The following COPS7B variants were observed in gnomAD, a reference collection of about 807,000 sequenced individuals.
The protein encoded by COPS7B is COP9 signalosome subunit 7B, also known as COP9 signalosome complex subunit 7b.
Under a neutral mutation model 33.4 loss-of-function variants are expected in COPS7B, and 9 were observed. The ratio of observed to expected loss-of-function variants is 0.27; its 90% CI spans 0.16 to 0.47. The LOEUF (loss-of-function observed/expected upper bound fraction) is 0.47. Ranked by LOEUF, COPS7B falls within the 20% of genes least tolerant of loss-of-function variation. COPS7B has a pLI of 0.99. For missense variants in COPS7B, 242 were observed against 318.2 expected, an observed-to-expected ratio of 0.76 and a Z score of 1.82; for synonymous variants, 119 against 126.3, an observed-to-expected ratio of 0.94 and a Z score of 0.39.
chr2:231,807,450 A>T (rs2049926178), intron 6 of COPS7B, 37 bp from the exon 7 acceptor site: 20 of 1,577,862 alleles, frequency 1.3e-5, no homozygotes, highest in Non-Finnish European at 1.7e-5. Context: ...GTGAGCACAT[A>T]CAGGCTGAGC....
Position 231,807,667 on chromosome 2 carries a change from C to G in COPS7B, c.*22C>G, listed in dbSNP as rs951280264. 1.3e-6 allele frequency: 2 copies of G among 1,540,432 alleles called. No homozygotes were observed. Among genetic ancestry groups the G allele is most frequent in the African/African-American group, 2.8e-5 (2 of 72,288 alleles). On this transcript the variant is annotated 3_prime_UTR_variant, in exon 7 of 7. Transcript: ENST00000350033. ...CTAGGGCCGGCTGGGGCAGCTGGCA[C>G]TCACCAGGCCTGGGTCAGGTGGGGA...
chr2:231,803,196 G>T (rs866727792), intron 6 of COPS7B, among the ~76,000 whole-genome samples: 18 of 152,220 alleles, frequency 1.2e-4, no homozygotes, highest in African/African-American at 4.1e-4. Context: ...TGGCAGATCA[G>T]TGTGGGCTGC....
At chr2:231,788,911 A>G in intron 2 of COPS7B, 179 bp downstream of exon 2, 1 of 536,144 alleles carries the variant, frequency 1.9e-6, no homozygotes, top group East Asian at 3.1e-5. Flanking sequence ...TTTATCCAGT[A>G]TTTTTATCTT....
intron 3 of COPS7B, chr2:231,792,388 A>G: frequency 4.2e-6 from 1 of 236,104 alleles, no homozygotes. Context: ...GCCACTCCGG[A>G]GGCTGAGGCA....
At chr2:231,783,822 G>A (rs535820392), upstream of COPS7B, among the ~76,000 whole-genome samples, 4 of 152,174 alleles carry the variant, frequency 2.6e-5, no homozygotes, top group East Asian at 1.9e-4. Context: ...CTGCAACCTC[G>A]AACTCCTGGG....
At chr2:231,798,148 A>C (rs571153409) in intron 5 of COPS7B, among the ~76,000 whole-genome samples, 2 of 151,936 alleles carry the variant, frequency 1.3e-5, no homozygotes, top group African/African-American at 4.8e-5. Flanking sequence ...CGGCCTCCCA[A>C]GGTGCTGGGA....
At chr2:231,795,351 C>T (rs1173323584) in intron 4 of COPS7B, among the ~76,000 whole-genome samples, 1 of 152,204 alleles carries the variant, frequency 6.6e-6, no homozygotes, top group Non-Finnish European at 1.5e-5. Context: ...GTGTGAGCCA[C>T]TGCACTTGGT....
upstream of COPS7B, among the ~76,000 whole-genome samples, chr2:231,784,307 T>G (rs114742552): frequency 0.028 from 4,232 of 150,360 alleles, 135 homozygotes; most frequent in African/African-American, 0.077. Context: ...TGAGACCCCA[T>G]CTTTAAAAAA....
intron 6 of COPS7B, among the ~76,000 whole-genome samples, chr2:231,805,670 T>C (rs2049874552): frequency 6.6e-6 from 1 of 151,730 alleles, no homozygotes; most frequent in South Asian, 2.1e-4. Context: ...GATAAGGTCT[T>C]ACTTGAATGT....
At chr2:231,781,871 TCTGCAAATCATGGTAAGG>T, upstream of COPS7B, 1 of 1,550,806 alleles carries the variant, frequency 6.4e-7, no homozygotes, top group Non-Finnish European at 8.7e-7. Flanking sequence ...AACTCAGACA[TCTGCAAATCATGGTAAGG>T]CTGCAAACAA....
rs996648487 is a variant in COPS7B at position 231,808,294 on chromosome 2, A to G, written c.*649A>G. 2.6e-6 allele frequency: 1 copy of G among 383,908 alleles called. No homozygotes were observed. Among genetic ancestry groups the G allele is most frequent in the African/African-American group, 2.1e-5 (1 of 46,910 alleles). 23.8% of individuals were successfully genotyped at this position (383,908 alleles called of 1,614,324 possible). On this transcript the variant is annotated 3_prime_UTR_variant, in exon 7 of 7. Coordinates refer to ENST00000350033, the MANE Select transcript of COPS7B (RefSeq NM_022730.4). ...AGCGCTGGGTTGACTAACCTCTGGTATCTGAGCACAGACAGAGGGTGCTGT... is the reference window on the plus strand; with the variant it reads ...AGCGCTGGGTTGACTAACCTCTGGTGTCTGAGCACAGACAGAGGGTGCTGT...
intron 6 of COPS7B, among the ~76,000 whole-genome samples, chr2:231,806,519 C>T (rs2049898067): frequency 6.7e-6 from 1 of 148,900 alleles, no homozygotes; most frequent in Admixed American, 6.7e-5. Context: ...TGCCACTATA[C>T]TCCATCCTGT....
chr2:231,795,105 G>A (rs1332629961), intron 4 of COPS7B, among the ~76,000 whole-genome samples: 2 of 152,018 alleles, frequency 1.3e-5, no homozygotes, highest in East Asian at 3.8e-4. Flanking sequence ...TTTTAGTACA[G>A]TCAGGGTTTC....
chr2:231,805,603 A>G (rs1413511403), intron 6 of COPS7B, among the ~76,000 whole-genome samples: 1 of 151,670 alleles, frequency 6.6e-6, no homozygotes, highest in African/African-American at 2.4e-5. Flanking sequence ...AGCTAGGACT[A>G]TAGGCATGTG....
intron 5 of COPS7B, 124 bp downstream of exon 5, chr2:231,796,432 TAGTG>T: frequency 2.6e-6 from 2 of 769,342 alleles, no homozygotes; most frequent in East Asian, 5.4e-5. Flanking sequence ...AGCTGGGGCT[TAGTG>T]AGCCGGAGAG....
At chr2:231,789,941 C>G (rs965491291) in intron 2 of COPS7B, 4 of 152,160 alleles carry the variant, frequency 2.6e-5, no homozygotes, top group African/African-American at 7.2e-5. Flanking sequence ...GCCACTTTTA[C>G]TTTTTCACTG....
chr2:231,801,140 A>G, intron 6 of COPS7B: 1 of 1,550,434 alleles, frequency 6.4e-7, no homozygotes, highest in Non-Finnish European at 8.7e-7. Flanking sequence ...CTTAAATTAG[A>G]TTGCTTGTTT....
chr2:231,802,937 A>T (rs2049789460), intron 6 of COPS7B, among the ~76,000 whole-genome samples: 1 of 152,260 alleles, frequency 6.6e-6, no homozygotes, highest in Non-Finnish European at 1.5e-5. Flanking sequence ...GCCCCAGCCC[A>T]GGCCAGGCCT....
intron 6 of COPS7B, among the ~76,000 whole-genome samples, chr2:231,803,048 C>T (rs1028171965): frequency 6.6e-6 from 1 of 152,204 alleles, no homozygotes; most frequent in East Asian, 1.9e-4. Flanking sequence ...AAAGTGGTAA[C>T]GACTGTAGAG....
Sources: gnomAD v4.1 joint callset for allele counts (sites outside exome capture counted in the v4.1 genomes callset) on GRCh38, gnomAD v4.1.1 for gene constraint, MANE v1.5 for transcripts, NCBI Gene and HGNC (gene_info 2026-07-23, HGNC 2026-07-21) for gene names.